TMEFF2: variants seen among roughly 807,000 people sequenced by gnomAD.
The protein encoded by TMEFF2 is tomoregulin-2.
A neutral mutation model predicts 53.8 loss-of-function variants in TMEFF2; 28 were observed. That is an observed-to-expected ratio of 0.52 (90% CI 0.39 to 0.71). The LOEUF is 0.71. TMEFF2 is among the 30% of genes least tolerant of loss of function. TMEFF2 has a pLI of 0.00. For synonymous variants in TMEFF2, 162 were observed against 166.3 expected (o/e 0.97, Z 0.20); for missense variants, 353 against 455.2 (o/e 0.78, Z 2.04).
At chr2:192,168,851 GT>G (rs1163668155) in intron 4 of TMEFF2, among the ~76,000 whole-genome samples, 17 of 150,800 alleles carry the variant, frequency 1.1e-4, no homozygotes, top group Non-Finnish European at 2.4e-4. Flanking sequence ...TAAATTTTTG[GT>G]TTTATTTGGA....
intron 5 of TMEFF2, among the ~76,000 whole-genome samples, chr2:192,001,718 T>C (rs1178220497): frequency 6.6e-6 from 1 of 151,738 alleles, no homozygotes; most frequent in Non-Finnish European, 1.5e-5. Context: ...AAGGGAAGTT[T>C]CCCTGCACAA....
chr2:192,109,278 G>C (rs1327234278), intron 4 of TMEFF2, among the ~76,000 whole-genome samples: 1 of 151,846 alleles, frequency 6.6e-6, no homozygotes, highest in Non-Finnish European at 1.5e-5. Context: ...ATCCTTTATT[G>C]ATTTTTAAAA....
chr2:192,170,742 G>A (rs1212596270), intron 4 of TMEFF2, among the ~76,000 whole-genome samples: 1 of 151,996 alleles, frequency 6.6e-6, no homozygotes, highest in Non-Finnish European at 1.5e-5. Flanking sequence ...TTTTCAGAGA[G>A]AGATCAGCAA....
intron 9 of TMEFF2, among the ~76,000 whole-genome samples, chr2:191,951,468 A>G (rs771387308): frequency 3.0e-4 from 44 of 144,850 alleles, no homozygotes; most frequent in South Asian, 6.8e-4. Context: ...GAGAAGAGAT[A>G]GAAGAGAGAT....
chr2:192,106,352 G>A (rs762542944), intron 4 of TMEFF2, among the ~76,000 whole-genome samples: 45 of 151,708 alleles, frequency 3.0e-4, no homozygotes, highest in Non-Finnish European at 6.1e-4. Context: ...GTACATATGG[G>A]AGTTATTGTT....
At chr2:192,038,225 G>C (rs1189569716) in intron 5 of TMEFF2, among the ~76,000 whole-genome samples, 1 of 152,136 alleles carries the variant, frequency 6.6e-6, no homozygotes, top group Admixed American at 6.5e-5. Flanking sequence ...GTAAGAGTAC[G>C]ACCTCTGGGT....
At chr2:192,124,507 C>T (rs116795418) in intron 4 of TMEFF2, among the ~76,000 whole-genome samples, 1,805 of 152,270 alleles carry the variant, frequency 0.012, 19 homozygotes, top group Middle Eastern at 0.024. Flanking sequence ...GATCTGGATG[C>T]GTTGCTCCTT....
At chr2:192,165,952 T>G (rs1690754774) in intron 4 of TMEFF2, among the ~76,000 whole-genome samples, 1 of 152,172 alleles carries the variant, frequency 6.6e-6, no homozygotes, top group South Asian at 2.1e-4. Flanking sequence ...TGAAACATTA[T>G]TCAGTGTAGT....
chr2:192,045,758 C>G (rs1412198595), intron 5 of TMEFF2, among the ~76,000 whole-genome samples: 1 of 152,190 alleles, frequency 6.6e-6, no homozygotes, highest in Non-Finnish European at 1.5e-5. Flanking sequence ...CACCAATCCT[C>G]ATGGTGGCCA....
At chr2:191,973,034 G>A (rs1692693464) in intron 7 of TMEFF2, among the ~76,000 whole-genome samples, 1 of 152,150 alleles carries the variant, frequency 6.6e-6, no homozygotes, top group South Asian at 2.1e-4. Context: ...TAGGAGGAAG[G>A]ACATTTGTAA....
chr2:192,059,730 A>G (rs574865750), intron 4 of TMEFF2, among the ~76,000 whole-genome samples: 1 of 152,312 alleles, frequency 6.6e-6, no homozygotes, highest in Admixed American at 6.5e-5. Flanking sequence ...ACCAGAAGTC[A>G]TATTACATTT....
At chr2:192,058,430 T>C (rs72916068) in intron 4 of TMEFF2, among the ~76,000 whole-genome samples, 1 of 152,116 alleles carries the variant, frequency 6.6e-6, no homozygotes, top group Non-Finnish European at 1.5e-5. Flanking sequence ...TATTTTATTT[T>C]AAAAAAATAC....
chr2:192,062,237 G>A (rs1688062031), intron 4 of TMEFF2, among the ~76,000 whole-genome samples: 1 of 152,098 alleles, frequency 6.6e-6, no homozygotes, highest in East Asian at 1.9e-4. Context: ...CATCACATCA[G>A]TGGAATAATT....
intron 7 of TMEFF2, among the ~76,000 whole-genome samples, chr2:191,962,687 A>C (rs970133445): frequency 6.6e-6 from 1 of 152,254 alleles, no homozygotes; most frequent in Non-Finnish European, 1.5e-5. Context: ...ATACAATTAT[A>C]ATCCAATAAT....
chr2:192,117,688 C>T (rs796244898), intron 4 of TMEFF2, among the ~76,000 whole-genome samples: 1 of 152,092 alleles, frequency 6.6e-6, no homozygotes, highest in African/African-American at 2.4e-5. Flanking sequence ...TTCTGCATGG[C>T]AGATGAAAGG....
At chr2:192,069,966 G>A (rs1456993580) in intron 4 of TMEFF2, among the ~76,000 whole-genome samples, 5 of 9,410 alleles carry the variant, frequency 5.3e-4, no homozygotes, top group African/African-American at 1.5e-3. Flanking sequence ...TTAGAAAAAT[G>A]TGTGTGTGTG....
chr2:191,949,716 G>T lies in TMEFF2; in HGVS notation c.*595C>A. 4.1e-6 allele frequency: 4 copies of T among 985,368 alleles called. No individual in the cohort carries two copies. Among genetic ancestry groups the T allele is most frequent in the Non-Finnish European group, 4.8e-6 (4 of 829,902 alleles). 61.0% of individuals were successfully genotyped at this position (985,368 alleles called of 1,614,324 possible). On this transcript the variant is annotated 3_prime_UTR_variant, in exon 10 of 10. Transcript: ENST00000272771. ...CTTCTTTTATTTAGTTTATATGCCA[G>T]AGATTTTTCTGCTCTAGGGATGAAA...
At chr2:192,185,407 C>G (rs1574444801) in intron 2 of TMEFF2, among the ~76,000 whole-genome samples, 2 of 151,984 alleles carry the variant, frequency 1.3e-5, no homozygotes, top group East Asian at 3.9e-4. Flanking sequence ...ATATAATGAT[C>G]AAGATTATTA....
chr2:192,000,118 A>C (rs1686320876), intron 5 of TMEFF2, among the ~76,000 whole-genome samples: 1 of 152,040 alleles, frequency 6.6e-6, no homozygotes, highest in Admixed American at 6.6e-5. Flanking sequence ...ATTATTCTGA[A>C]TATTGTGTCT....
Sources: gnomAD v4.1 joint callset for allele counts (sites outside exome capture counted in the v4.1 genomes callset) on GRCh38, gnomAD v4.1.1 for gene constraint, MANE v1.5 for transcripts, NCBI Gene and HGNC (gene_info 2026-07-23, HGNC 2026-07-21) for gene names.